Variants in RNLS observed in about 807,000 individuals in gnomAD.
RNLS encodes renalase, FAD dependent amine oxidase.
A neutral mutation model predicts 39.8 loss-of-function variants in RNLS; 39 were observed. That is an observed-to-expected ratio of 0.98 (90% CI 0.76 to 1.28). The LOEUF is 1.28. RNLS is among the 50% of genes most tolerant of loss of function. The probability of loss-of-function intolerance (pLI) is 0.00; values close to 1 mark genes in which losing one functional copy is unlikely to be tolerated. For missense variants in RNLS, 410 were observed against 413.3 expected, an observed-to-expected ratio of 0.99 and a Z score of 0.07; for synonymous variants, 147 against 150.7, an observed-to-expected ratio of 0.98 and a Z score of 0.18.
At chr10:88,455,760 G>C (rs775991171) in intron 4 of RNLS, among the ~76,000 whole-genome samples, 1 of 152,086 alleles carries the variant, frequency 6.6e-6, no homozygotes, top group Non-Finnish European at 1.5e-5. Flanking sequence ...AAAAAACTGG[G>C]AACAGATAGT....
chr10:88,565,755 T>C (rs1364967222), intron 4 of RNLS, among the ~76,000 whole-genome samples: 3 of 145,360 alleles, frequency 2.1e-5, no homozygotes, highest in East Asian at 3.9e-4. Context: ...TTCTTTTTTT[T>C]TTTTTTTTTT....
At chr10:88,470,413 T>A (rs1240446313) in intron 4 of RNLS, among the ~76,000 whole-genome samples, 2 of 152,190 alleles carry the variant, frequency 1.3e-5, no homozygotes, top group Admixed American at 1.3e-4. Flanking sequence ...ACATAAGTTC[T>A]CTGTTTTATA....
intron 4 of RNLS, among the ~76,000 whole-genome samples, chr10:88,507,269 G>A (rs931177936): frequency 4.6e-5 from 7 of 150,816 alleles, no homozygotes; most frequent in Non-Finnish European, 7.4e-5. Context: ...ACACACACAC[G>A]CACACACACA....
chr10:88,315,945 G>A (rs921494092), intron 5 of RNLS, among the ~76,000 whole-genome samples: 1 of 152,100 alleles, frequency 6.6e-6, no homozygotes, highest in African/African-American at 2.4e-5. Context: ...CACGCGTAAA[G>A]CTTCCTCAGT....
At chr10:88,477,466 C>T (rs111675378) in intron 4 of RNLS, among the ~76,000 whole-genome samples, 11 of 151,980 alleles carry the variant, frequency 7.2e-5, no homozygotes, top group African/African-American at 2.7e-4. Flanking sequence ...GTGGGGATGA[C>T]AATGGGGAAG....
At chr10:88,194,447 T>C in the RNLS span, among the ~76,000 whole-genome samples, 1 of 152,242 alleles carries the variant, frequency 6.6e-6, no homozygotes, top group African/African-American at 2.4e-5. Flanking sequence ...CCTTCTCTGA[T>C]GACTCAGGTG....
chr10:88,492,686 T>C (rs1844956250), intron 4 of RNLS, among the ~76,000 whole-genome samples: 1 of 152,182 alleles, frequency 6.6e-6, no homozygotes, highest in African/African-American at 2.4e-5. Flanking sequence ...TCTAGAGTGC[T>C]AGGATTACAG....
chr10:88,250,338 C>A, the RNLS span, among the ~76,000 whole-genome samples: 3 of 152,324 alleles, frequency 2.0e-5, no homozygotes, highest in Admixed American at 1.3e-4. Context: ...GCACTTAACA[C>A]CCTGAGAAAA....
the RNLS span, among the ~76,000 whole-genome samples, chr10:88,226,779 G>GATGCACTGCCAATTTAA: frequency 1.7e-5 from 2 of 120,782 alleles, no homozygotes; most frequent in Admixed American, 9.7e-5. Context: ...CAGTGGAGGA[G>GATGCACTGCCAATTTAA]GAATCTAAAA....
chr10:88,232,493 C>A, the RNLS span, among the ~76,000 whole-genome samples: 3 of 152,174 alleles, frequency 2.0e-5, no homozygotes, highest in Non-Finnish European at 4.4e-5. Flanking sequence ...GCTTCCCAGG[C>A]TGAACTCCAA....
At chr10:88,218,722 G>A in the RNLS span, among the ~76,000 whole-genome samples, 2 of 152,186 alleles carry the variant, frequency 1.3e-5, no homozygotes, top group African/African-American at 4.8e-5. Flanking sequence ...AAACAAGGTG[G>A]CTGGATTCTT....
At position 88,284,785 on chromosome 10, in the gene RNLS, C is replaced by G. The variant is rs1843156745; in HGVS notation, c.*569G>C. 2.0e-6 allele frequency: 2 copies of G among 985,196 alleles called. No homozygotes were observed. The highest frequency in any genetic ancestry group is 2.4e-6 in the Non-Finnish European group (2 of 829,898). 61.0% of individuals were successfully genotyped at this position (985,196 alleles called of 1,614,324 possible). On this transcript the variant is annotated 3_prime_UTR_variant, in exon 7 of 7. Transcript: ENST00000331772. ...TCTGAAGGAAGGTCTCTTTATCAGT[C>G]AAGTTGCCCTCCACACTAAGATGAT... is the stretch of plus-strand genomic sequence containing the variant.
chr10:88,385,347 G>GTA (rs988078308), intron 4 of RNLS, among the ~76,000 whole-genome samples: 4 of 152,168 alleles, frequency 2.6e-5, no homozygotes, highest in East Asian at 3.8e-4. Context: ...TGTAGTGTAA[G>GTA]TATCCCAAGC....
chr10:88,239,635 G>A, the RNLS span, among the ~76,000 whole-genome samples: 12 of 152,316 alleles, frequency 7.9e-5, no homozygotes, highest in Admixed American at 7.2e-4. Flanking sequence ...TTACCACTTT[G>A]GTAGTGGCCT....
At chr10:88,387,947 T>C (rs1163202046) in intron 4 of RNLS, among the ~76,000 whole-genome samples, 1 of 152,132 alleles carries the variant, frequency 6.6e-6, no homozygotes, top group Non-Finnish European at 1.5e-5. Context: ...TCTGTGGGTA[T>C]TTGGAAGGGG....
chr10:88,176,825 G>T, the RNLS span, among the ~76,000 whole-genome samples: 35 of 152,254 alleles, frequency 2.3e-4, no homozygotes, highest in African/African-American at 7.0e-4. Flanking sequence ...GTCTGAGAAA[G>T]ACTTTATTTC....
chr10:88,461,374 T>G (rs1433123753), intron 4 of RNLS, among the ~76,000 whole-genome samples: 1 of 152,118 alleles, frequency 6.6e-6, no homozygotes, highest in Non-Finnish European at 1.5e-5. Context: ...AACACCCCCT[T>G]AAAGTCCACC....
chr10:88,325,827 C>T (rs1467565255), intron 5 of RNLS, among the ~76,000 whole-genome samples: 1 of 152,100 alleles, frequency 6.6e-6, no homozygotes, highest in Non-Finnish European at 1.5e-5. Context: ...AGGGAGAGAA[C>T]TGGTGTGAGG....
chr10:88,510,924 T>C (rs1309394186), intron 4 of RNLS, among the ~76,000 whole-genome samples: 1 of 150,430 alleles, frequency 6.6e-6, no homozygotes, highest in Non-Finnish European at 1.5e-5. Flanking sequence ...TATTAATTAG[T>C]ATTACCTTTT....
Sources: gnomAD v4.1 joint callset for allele counts (sites outside exome capture counted in the v4.1 genomes callset) on GRCh38, gnomAD v4.1.1 for gene constraint, MANE v1.5 for transcripts, NCBI Gene and HGNC (gene_info 2026-07-23, HGNC 2026-07-21) for gene names.